TBCD: variants seen among roughly 807,000 people sequenced by gnomAD.
TBCD encodes the protein tubulin folding cofactor D, also known as tubulin-specific chaperone D.
Under a neutral mutation model 169.3 loss-of-function variants are expected in TBCD, and 105 were observed. That is an observed-to-expected ratio of 0.62 (90% CI 0.53 to 0.73). The LOEUF (loss-of-function observed/expected upper bound fraction) is 0.73. Among genes scored for constraint, TBCD ranks in the 30% least tolerant of loss-of-function variants. TBCD has a pLI of 0.00. For synonymous variants in TBCD, 700 were observed against 643.9 expected (o/e 1.09, Z -1.32); for missense variants, 1,444 against 1,600.1 (o/e 0.90, Z 1.66).
intron 13 of TBCD, among the ~76,000 whole-genome samples, chr17:82,847,010 C>T (rs1016008495): frequency 1.5e-4 from 23 of 152,208 alleles, no homozygotes; most frequent in African/African-American, 4.1e-4. Flanking sequence ...CTGTGGGCAC[C>T]GCTCAGCCAT....
At chr17:82,842,941 C>T (rs1049248533) in intron 13 of TBCD, among the ~76,000 whole-genome samples, 15 of 151,980 alleles carry the variant, frequency 9.9e-5, no homozygotes, top group South Asian at 8.3e-4. Flanking sequence ...CCACCACGTC[C>T]GGCTGATTTT....
In TBCD at chr17:82,920,651, C is replaced by T. The variant is rs1427763820; in HGVS notation, c.2101+33C>T. On this transcript the variant is annotated intron_variant, in intron 24 of 38. Coordinates refer to ENST00000355528, the MANE Select transcript of TBCD (RefSeq NM_005993.5). The surrounding 1 kb of genome is among the most constrained non-coding windows in gnomAD (Gnocchi z 4.1). Reference sequence around the variant, plus strand: ...CTTTTGTTTTTAATAATAGCATTTTCTTACAGAATGACTTCAGATTAAAAG... The same window carrying T: ...CTTTTGTTTTTAATAATAGCATTTTTTTACAGAATGACTTCAGATTAAAAG... 3 of 1,501,880 alleles carry T rather than the reference C, an allele frequency of 2.0e-6. No individual in the cohort carries two copies. The highest frequency in any genetic ancestry group is 1.4e-5 in the African/African-American group (1 of 70,458). The allele number at this position is 1,501,880 out of a possible 1,614,324, so 93.0% of individuals were successfully genotyped here. A position where few individuals can be genotyped will look rare whatever the true frequency, so the allele number is the denominator to read the frequency against.
At chr17:82,893,730 TC>T in intron 17 of TBCD, 98 bp downstream of exon 17, 1 of 835,636 alleles carries the variant, frequency 1.2e-6, no homozygotes, top group Non-Finnish European at 1.9e-6. Flanking sequence ...TCCTGTAATG[TC>T]CACTCAATGG....
chr17:82,934,169 A>T (rs1161568124), intron 34 of TBCD, among the ~76,000 whole-genome samples: 1 of 152,162 alleles, frequency 6.6e-6, no homozygotes, highest in African/African-American at 2.4e-5. Context: ...AACCTGAGCG[A>T]GCTCTGCAGA....
chr17:82,839,383 A>T (rs2054267639), intron 13 of TBCD, among the ~76,000 whole-genome samples: 1 of 152,018 alleles, frequency 6.6e-6, no homozygotes. Flanking sequence ...AGCCTAATGT[A>T]CATACACCAC....
chr17:82,769,995 C>A (rs2048222960), intron 5 of TBCD, among the ~76,000 whole-genome samples: 1 of 151,974 alleles, frequency 6.6e-6, no homozygotes, highest in Non-Finnish European at 1.5e-5. Context: ...CAATTCTTAC[C>A]CTCGTTTAAC....
intron 6 of TBCD, among the ~76,000 whole-genome samples, chr17:82,774,531 G>A (rs769466368): frequency 1.3e-5 from 2 of 152,182 alleles, no homozygotes; most frequent in African/African-American, 2.4e-5. Flanking sequence ...AACCGCCATC[G>A]TCATCATGGC....
rs907842957 is a variant in TBCD, at chr17:82,930,451, G to T, written c.2992-71G>T. 3.4e-5 allele frequency: 54 copies of T among 1,566,624 alleles called. No individual in the cohort carries two copies. Among genetic ancestry groups the T allele is most frequent in the Non-Finnish European group, 3.9e-5 (45 of 1,159,170 alleles). On this transcript the variant is annotated intron_variant, in intron 32 of 38. Transcript: ENST00000355528. The surrounding 1 kb of genome is among the most constrained non-coding windows in gnomAD (Gnocchi z 5.2). The stretch of plus-strand genomic sequence containing the variant: ...TCTGCTCTTCAGCAGATGCTTGACC[G>T]GCTGTAGCCAAGCCTGAGGGGTGGC...
intron 15 of TBCD, among the ~76,000 whole-genome samples, chr17:82,887,168 T>TGCGCGCGCGCGCGC (rs113145269): frequency 1.4e-4 from 18 of 126,096 alleles, no homozygotes; most frequent in South Asian, 5.9e-4. Context: ...TGTGTGTGTG[T>TGCGCGCGCGCGCGC]GCGCGCGCGC....
Position 82,927,229 on chromosome 17 carries a change from G to A in TBCD, c.2515G>A (p.Ala839Thr), listed in dbSNP as rs779481476. The A allele has an allele frequency of 6.2e-7, 1 of 1,614,042 alleles. No individual in the cohort carries two copies. Among genetic ancestry groups the A allele is most frequent in the Non-Finnish European group, 8.5e-7 (1 of 1,179,900 alleles). Residue 839 changes from alanine to threonine, a missense_variant, in exon 29 of 39, where the codon GCT (alanine) becomes ACT (threonine). Coordinates refer to ENST00000355528, the MANE Select transcript of TBCD (RefSeq NM_005993.5). Reference sequence around the variant, plus strand: ...TGTGAAAGCAGGAGCCCCAGACGAAGCTGTGTGCGGAGAGAATGTTTCCCA... The same window carrying A: ...TGTGAAAGCAGGAGCCCCAGACGAAACTGTGTGCGGAGAGAATGTTTCCCA... ...VGVKAGAPDE[A>T]VCGENVSQIY... is the part of the protein sequence containing the mutation.
In TBCD at chr17:82,831,485, G is replaced by A; in HGVS notation, c.1318+16551G>A. 1 of 1,614,190 alleles carries A rather than the reference G, an allele frequency of 6.2e-7. No homozygotes were observed. Among genetic ancestry groups the A allele is most frequent in the Non-Finnish European group, 8.5e-7 (1 of 1,180,024 alleles). On this transcript the variant is annotated intron_variant, in intron 13 of 38. Transcript: ENST00000355528. This position sits in a 1 kb window ranked among gnomAD's most constrained non-coding sequence, Gnocchi z 4.6. Reference sequence around the variant, plus strand: ...CCATAGGAGGAAAATGCAGACTCTGGCCTGTAAAATCCGTAAGGAATCGGC... The same window carrying A: ...CCATAGGAGGAAAATGCAGACTCTGACCTGTAAAATCCGTAAGGAATCGGC...
Position 82,923,626 on chromosome 17 carries a change from C to T in TBCD, c.2179-26C>T, listed in dbSNP as rs1016994131. The T allele has an allele frequency of 5.7e-5, 88 of 1,545,870 alleles. No individual in the cohort carries two copies. Among genetic ancestry groups the T allele is most frequent in the Non-Finnish European group, 6.9e-5 (79 of 1,141,100 alleles). On this transcript the variant is annotated intron_variant, in intron 25 of 38. Transcript: ENST00000355528. The surrounding 1 kb of genome is among the most constrained non-coding windows in gnomAD (Gnocchi z 4.6). The stretch of plus-strand genomic sequence containing the variant: ...GGCTTCTCCGAGCAGAGCTGCTGTG[C>T]GCTCACCGTGCTGCCTTTGTTTTAG...
intron 14 of TBCD, among the ~76,000 whole-genome samples, 183 bp downstream of exon 14, chr17:82,870,563 G>A (rs1181595618): frequency 6.6e-6 from 1 of 152,232 alleles, no homozygotes; most frequent in Non-Finnish European, 1.5e-5. Context: ...AGCAACCAGA[G>A]CAGAAGTGTG....
intron 33 of TBCD, among the ~76,000 whole-genome samples, chr17:82,931,475 G>GCGTGCCGGTCGCTCATTCCTC (rs1392078678): frequency 1.3e-5 from 2 of 152,308 alleles, no homozygotes; most frequent in East Asian, 3.9e-4. Flanking sequence ...GCGCTGGGCC[G>GCGTGCCGGTCGCTCATTCCTC]CGTGCCGGTC....
chr17:82,840,956 T>TTTTTG (rs1567869538), intron 13 of TBCD, among the ~76,000 whole-genome samples: 1 of 24,082 alleles, frequency 4.2e-5, no homozygotes, highest in East Asian at 1.5e-3. Flanking sequence ...ACAAACTGGT[T>TTTTTG]TTTTTTTTTT....
chr17:82,844,658 C>T (rs1163889780), intron 13 of TBCD, among the ~76,000 whole-genome samples: 2 of 152,152 alleles, frequency 1.3e-5, no homozygotes, highest in Non-Finnish European at 2.9e-5. Context: ...CCTTCCTCTT[C>T]TACCCTGTAG....
rs9903483 is a variant in TBCD at position 82,835,957 on chromosome 17, T to G, written c.1318+21023T>G. Among the ~76,000 whole-genome samples the G allele has an allele frequency of 0.42, 64,216 of 151,942 alleles. 13,809 individuals are homozygous for G. Among genetic ancestry groups the G allele is most frequent in the East Asian group, 0.54 (2,783 of 5,152 alleles). ...CCCTACAACCAGGGAGGGTGTCGGGTGACACCCTGGGCTCAGACCCCGCGC... is the reference window on the plus strand; with the variant it reads ...CCCTACAACCAGGGAGGGTGTCGGGGGACACCCTGGGCTCAGACCCCGCGC... On this transcript the variant is annotated intron_variant, in intron 13 of 38. Transcript: ENST00000355528. This position sits in a 1 kb window ranked among gnomAD's most constrained non-coding sequence, Gnocchi z 4.5.
At chr17:82,828,207 G>GTGGACA (rs1283862200) in intron 13 of TBCD, among the ~76,000 whole-genome samples, 1 of 132,538 alleles carries the variant, frequency 7.5e-6, no homozygotes, top group Non-Finnish European at 1.6e-5. Context: ...ATATGCACAC[G>GTGGACA]TGGACACCCA....
Position 82,884,031 on chromosome 17 carries a change from T to C in TBCD, c.1476-114T>C. 1 of 969,890 alleles carries C rather than the reference T, an allele frequency of 1.0e-6. No homozygotes were observed. The highest frequency in any genetic ancestry group is 1.6e-6 in the Non-Finnish European group (1 of 632,098). The allele number at this position is 969,890 out of a possible 1,614,324, so 60.1% of individuals were successfully genotyped here. On this transcript the variant is annotated intron_variant, in intron 14 of 38. Transcript: ENST00000355528. This position sits in a 1 kb window ranked among gnomAD's most constrained non-coding sequence, Gnocchi z 4.2. ...CAAGCTGTGTGTTGCCTGTGGGGCA[T>C]GTCTGAACCTCAAGTGGGCCTGAGT...
Sources: gnomAD v4.1 joint callset for allele counts (sites outside exome capture counted in the v4.1 genomes callset) on GRCh38, gnomAD v4.1.1 for gene constraint, Gnocchi (gnomAD v3.1) non-coding constraint, MANE v1.5 for transcripts, NCBI Gene and HGNC (gene_info 2026-07-23, HGNC 2026-07-21) for gene names.